Variants in BMPER observed in about 807,000 individuals in gnomAD.
The protein encoded by BMPER is BMP-binding endothelial regulator protein.
In BMPER, 45 loss-of-function variants were observed where a neutral mutation model predicts 87.3. The ratio of observed to expected loss-of-function variants is 0.52; its 90% CI spans 0.41 to 0.66. The LOEUF (loss-of-function observed/expected upper bound fraction) is 0.66, where lower values mean the gene tolerates loss of function less well. BMPER is among the 30% of genes least tolerant of loss of function. The pLI is 0.00. For missense variants in BMPER, 784 were observed against 867.5 expected (o/e 0.90, Z 1.21); for synonymous variants, 326 against 316.2 (o/e 1.03, Z -0.33).
At chr7:34,119,239 G>A (rs1262348554) in intron 13 of BMPER, among the ~76,000 whole-genome samples, 1 of 152,058 alleles carries the variant, frequency 6.6e-6, no homozygotes, top group Non-Finnish European at 1.5e-5. Context: ...CATGTGCCAG[G>A]GTACCCACGT....
intron 6 of BMPER, among the ~76,000 whole-genome samples, chr7:34,021,759 A>G (rs1440005694): frequency 1.3e-5 from 2 of 152,042 alleles, no homozygotes; most frequent in Non-Finnish European, 2.9e-5. Flanking sequence ...TCCTGGGGAG[A>G]TGATTATCCT....
At chr7:34,031,193 A>T (rs1787508281) in intron 6 of BMPER, among the ~76,000 whole-genome samples, 1 of 152,030 alleles carries the variant, frequency 6.6e-6, no homozygotes, top group Admixed American at 6.6e-5. Flanking sequence ...AAGACATTTT[A>T]AAAATGGTAA....
chr7:33,969,492 T>C (rs1295663201), intron 4 of BMPER, among the ~76,000 whole-genome samples: 1 of 152,196 alleles, frequency 6.6e-6, no homozygotes, highest in African/African-American at 2.4e-5. Context: ...CTCCGCCTCC[T>C]GGGTTCACAC....
chr7:34,013,320 T>A (rs554414380), intron 6 of BMPER, among the ~76,000 whole-genome samples: 1 of 151,840 alleles, frequency 6.6e-6, no homozygotes, highest in South Asian at 2.1e-4. Context: ...CCTATAGAGT[T>A]TGTATCATCA....
intron 6 of BMPER, among the ~76,000 whole-genome samples, chr7:33,999,072 G>A (rs1282443994): frequency 2.0e-5 from 3 of 152,250 alleles, no homozygotes; most frequent in East Asian, 3.8e-4. Context: ...GATTTCATGC[G>A]AAGTCATTCT....
At position 34,154,697 on chromosome 7, in the gene BMPER, A is replaced by G. The variant is rs569107815; in HGVS notation, c.*1424A>G. On this transcript the variant is annotated 3_prime_UTR_variant, in exon 15 of 15. Coordinates refer to ENST00000649409, the MANE Select transcript of BMPER (RefSeq NM_001365308.1). ...TTGCCAATGCTCGTCAAAGACATTT[A>G]TGTTTCTTTTACATTCATGACAGCT... The G allele has an allele frequency of 4.3e-4, 66 of 151,744 alleles. No homozygotes were observed. The highest frequency in any genetic ancestry group is 1.6e-3 in the African/African-American group (65 of 41,330). The allele number at this position is 151,744 out of a possible 1,614,324, so 9.4% of individuals were successfully genotyped here.
intron 12 of BMPER, among the ~76,000 whole-genome samples, chr7:34,080,802 TAA>T (rs1788992454): frequency 2.0e-5 from 3 of 152,330 alleles, no homozygotes; most frequent in Admixed American, 2.0e-4. Flanking sequence ...TGAAGATGAC[TAA>T]CAGCCTAAGA....
intron 2 of BMPER, among the ~76,000 whole-genome samples, chr7:33,928,626 T>G: frequency 7.3e-6 from 1 of 136,804 alleles, no homozygotes; most frequent in Non-Finnish European, 1.6e-5. Flanking sequence ...TTCCGTGAGT[T>G]TCTTGAAAAA....
intron 10 of BMPER, 37 bp downstream of exon 10, chr7:34,058,200 C>T: frequency 6.3e-7 from 1 of 1,577,258 alleles, no homozygotes; most frequent in East Asian, 2.2e-5. Flanking sequence ...ACCTTAGCGT[C>T]TTGAGAAATG....
intron 6 of BMPER, among the ~76,000 whole-genome samples, chr7:34,038,046 A>C (rs1380232935): frequency 6.6e-6 from 1 of 152,210 alleles, no homozygotes; most frequent in East Asian, 1.9e-4. Flanking sequence ...AATAATAATT[A>C]GGGTAGGCAG....
intron 6 of BMPER, among the ~76,000 whole-genome samples, chr7:34,028,865 A>G (rs1787450008): frequency 6.6e-6 from 1 of 151,906 alleles, no homozygotes. Context: ...AGAGATGGAC[A>G]GCTAAGCTGA....
At chr7:34,029,670 T>A (rs754445730) in intron 6 of BMPER, among the ~76,000 whole-genome samples, 1 of 152,094 alleles carries the variant, frequency 6.6e-6, no homozygotes, top group Non-Finnish European at 1.5e-5. Flanking sequence ...CTATAAGGGA[T>A]CTATTTGTTT....
At chr7:34,035,906 G>A (rs1562702322) in intron 6 of BMPER, among the ~76,000 whole-genome samples, 1 of 152,184 alleles carries the variant, frequency 6.6e-6, no homozygotes. Flanking sequence ...TAGGAAAACA[G>A]TTCATTGGTG....
intron 11 of BMPER, among the ~76,000 whole-genome samples, chr7:34,075,702 G>T (rs1033120891): frequency 6.6e-6 from 1 of 152,192 alleles, no homozygotes; most frequent in African/African-American, 2.4e-5. Context: ...TGGACATCTG[G>T]ACGTGTTGGA....
At chr7:33,978,453 A>G (rs1319602972) in intron 6 of BMPER, among the ~76,000 whole-genome samples, 1 of 152,198 alleles carries the variant, frequency 6.6e-6, no homozygotes, top group Non-Finnish European at 1.5e-5. Flanking sequence ...CTTGCTGGGG[A>G]AAGTCTGGAA....
At chr7:33,929,758 T>C (rs1268205017) in intron 2 of BMPER, among the ~76,000 whole-genome samples, 2 of 152,190 alleles carry the variant, frequency 1.3e-5, no homozygotes, top group Admixed American at 1.3e-4. Context: ...GGGAAGTAAA[T>C]CAGTGCCTTC....
chr7:34,154,208 T>G lies in BMPER; in HGVS notation c.*935T>G, dbSNP rs1791257019. The stretch of plus-strand genomic sequence containing the variant: ...TATTTCATGTATAAAATGAAAGGCT[T>G]TAGTTATTTCTAGAGGAGTCCCATC... On this transcript the variant is annotated 3_prime_UTR_variant, in exon 15 of 15. Transcript: ENST00000649409. 6.6e-6 allele frequency: 1 copy of G among 152,582 alleles called. No homozygotes were observed. The highest frequency in any genetic ancestry group is 2.4e-5 in the African/African-American group (1 of 41,452). The allele number at this position is 152,582 out of a possible 1,614,324, so 9.5% of individuals were successfully genotyped here. A position where few individuals can be genotyped will look rare whatever the true frequency, so the allele number is the denominator to read the frequency against.
intron 13 of BMPER, among the ~76,000 whole-genome samples, chr7:34,119,107 T>C (rs1172823224): frequency 1.3e-5 from 2 of 151,584 alleles, no homozygotes; most frequent in Non-Finnish European, 2.9e-5. Flanking sequence ...CTCGGAAGAA[T>C]TGAATAATGC....
chr7:34,129,610 A>AGAGAGAGAGAGAGAG (rs1790507400), intron 13 of BMPER, among the ~76,000 whole-genome samples: 9 of 69,638 alleles, frequency 1.3e-4, no homozygotes, highest in African/African-American at 3.4e-4. Flanking sequence ...GAGAGAGAGA[A>AGAGAGAGAGAGAGAG]AGAGAGAGAG....
Sources: allele counts gnomAD v4.1 joint callset (sites outside exome capture counted in the v4.1 genomes callset), GRCh38; gene constraint gnomAD v4.1.1; transcripts MANE v1.5; gene names NCBI Gene and HGNC (gene_info 2026-07-23, HGNC 2026-07-21).